The following SLC25A21 variants were observed in gnomAD, a reference collection of about 807,000 sequenced individuals.
SLC25A21 encodes mitochondrial 2-oxodicarboxylate carrier.
In SLC25A21, 47 loss-of-function variants were observed where a neutral mutation model predicts 43.8. That is an observed-to-expected ratio of 1.07 (90% CI 0.85 to 1.37). The LOEUF is 1.37. SLC25A21 is among the 40% of genes most tolerant of loss of function. SLC25A21 has a pLI of 0.00. For missense variants in SLC25A21, 352 were observed against 350.2 expected (o/e 1.00, Z -0.04); for synonymous variants, 131 against 121.3 (o/e 1.08, Z -0.52).
intron 3 of SLC25A21, among the ~76,000 whole-genome samples, chr14:36,802,459 T>G (rs1887900133): frequency 6.6e-6 from 1 of 152,212 alleles, no homozygotes; most frequent in African/African-American, 2.4e-5. Flanking sequence ...ATATTCCATA[T>G]ATTAATACTG....
intron 1 of SLC25A21, among the ~76,000 whole-genome samples, chr14:37,020,459 A>G (rs866883268): frequency 5.4e-5 from 8 of 149,016 alleles, no homozygotes; most frequent in Middle Eastern, 3.4e-3. Context: ...TTTTTTTTTC[A>G]AATCACAGAG....
intron 3 of SLC25A21, among the ~76,000 whole-genome samples, chr14:36,768,235 A>C (rs972094178): frequency 6.6e-6 from 1 of 152,188 alleles, no homozygotes; most frequent in East Asian, 1.9e-4. Flanking sequence ...GGGTGGAAGA[A>C]GGGAGCCAGG....
At chr14:37,073,667 C>T (rs973033067) in intron 1 of SLC25A21, among the ~76,000 whole-genome samples, 3 of 152,166 alleles carry the variant, frequency 2.0e-5, no homozygotes, top group African/African-American at 7.2e-5. Context: ...CCAGCCTGCC[C>T]CTGCTACCCT....
intron 1 of SLC25A21, among the ~76,000 whole-genome samples, chr14:37,032,968 A>C (rs1424190113): frequency 6.6e-6 from 1 of 152,220 alleles, no homozygotes; most frequent in Non-Finnish European, 1.5e-5. Flanking sequence ...TTTTAAAAAA[A>C]TTGTTATTAA....
At chr14:36,793,952 A>C (rs930016355) in intron 3 of SLC25A21, among the ~76,000 whole-genome samples, 12 of 151,794 alleles carry the variant, frequency 7.9e-5, no homozygotes, top group Non-Finnish European at 1.3e-4. Context: ...TGGCAAGAAG[A>C]AGCAAATCAA....
chr14:36,798,644 T>C (rs1276404518), intron 3 of SLC25A21, among the ~76,000 whole-genome samples: 1 of 151,978 alleles, frequency 6.6e-6, no homozygotes, highest in Non-Finnish European at 1.5e-5. Context: ...TGCTGGGTCA[T>C]AAGTATTCTT....
intron 1 of SLC25A21, among the ~76,000 whole-genome samples, chr14:36,973,188 A>C (rs890295019): frequency 6.6e-6 from 1 of 152,214 alleles, no homozygotes; most frequent in East Asian, 1.9e-4. Flanking sequence ...TTAGAGCCAC[A>C]TTTTAGAAAA....
At chr14:37,144,871 G>A (rs998956675) in intron 1 of SLC25A21, among the ~76,000 whole-genome samples, 3 of 151,970 alleles carry the variant, frequency 2.0e-5, no homozygotes, top group African/African-American at 4.8e-5. Context: ...GAGCTTGAGC[G>A]ATCAGCCTGC....
At chr14:36,971,346 C>T (rs1042831483) in intron 1 of SLC25A21, among the ~76,000 whole-genome samples, 1 of 152,168 alleles carries the variant, frequency 6.6e-6, no homozygotes, top group African/African-American at 2.4e-5. Flanking sequence ...GAAAAAGCTA[C>T]CTGGAAACAG....
chr14:37,010,972 C>T (rs1399561069), intron 1 of SLC25A21, among the ~76,000 whole-genome samples: 2 of 152,036 alleles, frequency 1.3e-5, no homozygotes, highest in East Asian at 1.9e-4. Flanking sequence ...CTGCAACCTC[C>T]GTCTCCCAGG....
intron 1 of SLC25A21, among the ~76,000 whole-genome samples, chr14:37,118,760 T>G (rs2138887398): frequency 6.6e-6 from 1 of 152,306 alleles, no homozygotes; most frequent in East Asian, 1.9e-4. Context: ...TTTCCTTACC[T>G]AGTAATTGAT....
chr14:36,881,723 T>C (rs1032365700), intron 1 of SLC25A21, among the ~76,000 whole-genome samples: 10 of 152,140 alleles, frequency 6.6e-5, no homozygotes, highest in Non-Finnish European at 1.5e-4. Context: ...GGTACAAAAA[T>C]GTAGAATGCT....
intron 1 of SLC25A21, among the ~76,000 whole-genome samples, chr14:37,052,303 C>G (rs1003551750): frequency 5.3e-5 from 8 of 152,084 alleles, no homozygotes; most frequent in Non-Finnish European, 1.0e-4. Context: ...ATAGTATAAA[C>G]TTTAGGCCTG....
intron 1 of SLC25A21, among the ~76,000 whole-genome samples, chr14:37,124,033 C>G (rs958836490): frequency 6.7e-6 from 1 of 148,222 alleles, no homozygotes; most frequent in African/African-American, 2.5e-5. Flanking sequence ...TTTTTTGAGA[C>G]GGAGTCTCAC....
intron 1 of SLC25A21, among the ~76,000 whole-genome samples, chr14:36,948,500 A>C (rs1385101570): frequency 6.6e-6 from 1 of 152,220 alleles, no homozygotes; most frequent in African/African-American, 2.4e-5. Context: ...GAATCATTGA[A>C]TAAGACCCTG....
chr14:36,791,847 T>A (rs1328201047), intron 3 of SLC25A21, among the ~76,000 whole-genome samples: 2 of 152,106 alleles, frequency 1.3e-5, no homozygotes, highest in African/African-American at 4.8e-5. Flanking sequence ...TCCTTACCTT[T>A]GGTGGGAGTG....
chr14:36,953,356 AGAT>A lies in SLC25A21; in HGVS notation c.71-78355_71-78353del, dbSNP rs1204233202. On this transcript the variant is annotated intron_variant, in intron 1 of 9. Coordinates refer to ENST00000331299, the MANE Select transcript of SLC25A21 (RefSeq NM_030631.4). The stretch of plus-strand genomic sequence containing the variant: ...TTTATAACATAAAGATGGCATAAAC[AGAT>A]GATATTAATAAAATTTAGTCATACA... 2.6e-5 allele frequency among the ~76,000 whole-genome samples: 4 copies of A among 152,356 alleles called. No individual in the cohort carries two copies. The Middle Eastern group carries it at 0.01, about 389-fold the overall frequency.
intron 1 of SLC25A21, among the ~76,000 whole-genome samples, chr14:36,897,760 C>T (rs1318472387): frequency 1.3e-5 from 2 of 152,196 alleles, no homozygotes; most frequent in Admixed American, 6.5e-5. Context: ...ACAGTCAGGA[C>T]CCTCAGCTGC....
chr14:36,794,286 T>C (rs1887594024), intron 3 of SLC25A21, among the ~76,000 whole-genome samples: 1 of 151,624 alleles, frequency 6.6e-6, no homozygotes, highest in Non-Finnish European at 1.5e-5. Context: ...TGTTTTTATT[T>C]CCTCAAAAGA....
Sources: allele counts gnomAD v4.1 joint callset (sites outside exome capture counted in the v4.1 genomes callset), GRCh38; gene constraint gnomAD v4.1.1; transcripts MANE v1.5; gene names NCBI Gene and HGNC (gene_info 2026-07-23, HGNC 2026-07-21).